The following DOCK2 variants were observed in gnomAD, a reference collection of about 807,000 sequenced individuals.
DOCK2 encodes the protein dedicator of cytokinesis 2.
A neutral mutation model predicts 248.9 loss-of-function variants in DOCK2; 87 were observed. That is an observed-to-expected ratio of 0.35 (90% CI 0.29 to 0.42). The LOEUF (loss-of-function observed/expected upper bound fraction) is 0.42, where lower values mean the gene tolerates loss of function less well. Among genes scored for constraint, DOCK2 ranks in the 10% least tolerant of loss-of-function variants. The pLI is 1.00. For missense variants in DOCK2, 1,747 were observed against 2,300.2 expected (o/e 0.76, Z 4.92); for synonymous variants, 805 against 821.6 (o/e 0.98, Z 0.35).
rs73800281 is a variant in DOCK2, at chr5:170,082,255, C to T, written c.5430+271C>T. 1.4e-3 allele frequency among the ~76,000 whole-genome samples: 214 copies of T among 152,290 alleles called. 1 individual carries two copies. Among genetic ancestry groups the T allele is most frequent in the African/African-American group, 4.8e-3 (201 of 41,560 alleles). ...TCAGAAGCAGTAGGTGGCCTACCCT[C>T]GCCTAAACTGCCCCTTAGTGCTCCA... On this transcript the variant is annotated intron_variant, in intron 51 of 51. Transcript: ENST00000520908.
At chr5:170,048,178 G>A (rs1270962947) in intron 40 of DOCK2, among the ~76,000 whole-genome samples, 2 of 152,176 alleles carry the variant, frequency 1.3e-5, no homozygotes, top group African/African-American at 2.4e-5. Context: ...GATTACTTGA[G>A]CTCAGGAGTT....
At position 170,056,665 on chromosome 5, in the gene DOCK2, G is replaced by A; in HGVS notation, c.4296-19G>A. The stretch of plus-strand genomic sequence containing the variant: ...CCGGGGATGGCTACCAGGAGCCTCA[G>A]CCTCTTCCTGTCTTTCAGCTTCTAC... On this transcript the variant is annotated intron_variant, in intron 42 of 51. Coordinates refer to ENST00000520908, the MANE Select transcript of DOCK2 (RefSeq NM_004946.3). The A allele has an allele frequency of 6.2e-7, 1 of 1,612,860 alleles. No homozygotes were observed. The highest frequency in any genetic ancestry group is 8.5e-7 in the Non-Finnish European group (1 of 1,178,952).
rs1159535533 is a variant in DOCK2, at chr5:170,012,343, T to G, written c.3232+3597T>G. Among the ~76,000 whole-genome samples the G allele has an allele frequency of 2.6e-5, 4 of 152,290 alleles. No homozygotes were observed. In the East Asian group the frequency reaches 7.7e-4, roughly 29 times the overall value. Reference sequence around the variant, plus strand: ...GGTGTGAAATAACCAACGACCTACGTTTTTTCAAAGATGACTGATAATGAG... The same window carrying G: ...GGTGTGAAATAACCAACGACCTACGGTTTTTCAAAGATGACTGATAATGAG... On this transcript the variant is annotated intron_variant, in intron 32 of 51. Transcript: ENST00000520908.
intron 27 of DOCK2, among the ~76,000 whole-genome samples, chr5:169,939,048 CAT>C (rs1344847682): frequency 2.6e-5 from 4 of 151,306 alleles, no homozygotes; most frequent in Admixed American, 6.6e-5. Flanking sequence ...GGACTACAGG[CAT>C]GCACCACCAC....
chr5:169,694,916 A>G (rs1421945151), intron 9 of DOCK2, among the ~76,000 whole-genome samples: 7 of 152,174 alleles, frequency 4.6e-5, no homozygotes, highest in Non-Finnish European at 8.8e-5. Context: ...CTGAGGCTGC[A>G]GTGAGCTGTG....
chr5:169,696,526 A>G (rs1328126018), intron 10 of DOCK2, among the ~76,000 whole-genome samples: 1 of 152,144 alleles, frequency 6.6e-6, no homozygotes, highest in Admixed American at 6.6e-5. Flanking sequence ...TTGTACTGTT[A>G]TTTACCAAAT....
At chr5:169,835,328 C>T (rs1162224235) in intron 26 of DOCK2, among the ~76,000 whole-genome samples, 2 of 146,602 alleles carry the variant, frequency 1.4e-5, no homozygotes, top group African/African-American at 2.5e-5. Flanking sequence ...AATCTCGACT[C>T]ACTGCAACCT....
chr5:170,043,328 G>A (rs555594221), intron 38 of DOCK2, among the ~76,000 whole-genome samples: 6 of 152,294 alleles, frequency 3.9e-5, no homozygotes, highest in East Asian at 3.9e-4. Context: ...GAAAATGCAC[G>A]TAGAGCACCC....
intron 23 of DOCK2, among the ~76,000 whole-genome samples, chr5:169,749,663 G>A (rs748542768): frequency 7.9e-5 from 12 of 152,134 alleles, no homozygotes; most frequent in Non-Finnish European, 1.3e-4. Context: ...TTCCTGCCTG[G>A]CTCTAAAGAC....
chr5:169,882,886 T>C, intron 27 of DOCK2: 1 of 1,551,730 alleles, frequency 6.4e-7, no homozygotes, highest in East Asian at 2.4e-5. Flanking sequence ...TGACACCAGA[T>C]TCTGGTGATT....
chr5:169,998,039 G>A (rs1747416794), intron 30 of DOCK2: 2 of 456,154 alleles, frequency 4.4e-6, no homozygotes. Context: ...GGTCCCATAA[G>A]TTTCTGTTCA....
intron 22 of DOCK2, among the ~76,000 whole-genome samples, chr5:169,734,359 A>G (rs951744255): frequency 2.0e-5 from 3 of 151,972 alleles, no homozygotes; most frequent in African/African-American, 7.3e-5. Context: ...CAGTAGTGGG[A>G]ATCTTTGTGG....
chr5:169,808,978 G>T (rs1031450308), intron 26 of DOCK2, among the ~76,000 whole-genome samples: 1 of 146,504 alleles, frequency 6.8e-6, no homozygotes, highest in African/African-American at 2.6e-5. Context: ...AGTCATGAAT[G>T]GTTTAAGGGT....
chr5:170,005,890 A>T (rs1397603507), intron 30 of DOCK2, among the ~76,000 whole-genome samples: 1 of 152,128 alleles, frequency 6.6e-6, no homozygotes, highest in Admixed American at 6.5e-5. Context: ...AATTATTCTC[A>T]CAAGTAATTG....
At chr5:169,906,607 C>T (rs548883164) in intron 27 of DOCK2, among the ~76,000 whole-genome samples, 11 of 152,278 alleles carry the variant, frequency 7.2e-5, no homozygotes, top group South Asian at 2.1e-4. Flanking sequence ...GCTGGGGTTA[C>T]GGGTATGAGC....
chr5:169,704,759 ATGTGTGTGTGTGTGTGTGTG>A (rs56289708), intron 14 of DOCK2, among the ~76,000 whole-genome samples: 34 of 140,016 alleles, frequency 2.4e-4, no homozygotes, highest in Non-Finnish European at 3.2e-4. Context: ...CTCCATATAT[ATGTGTGTGTGTGTGTGTGTG>A]TGTGTGTGTG....
chr5:170,072,468 A>G (rs536901559), intron 46 of DOCK2, among the ~76,000 whole-genome samples: 4 of 152,314 alleles, frequency 2.6e-5, no homozygotes, highest in East Asian at 3.9e-4. Context: ...CAGGTGTTGT[A>G]TATTATGAGT....
Position 169,717,441 on chromosome 5 carries a change from G to A in DOCK2, c.2089G>A (p.Glu697Lys), listed in dbSNP as rs1761964439. Residue 697 changes from glutamate to lysine, a missense_variant, in exon 21 of 52, where the codon GAG becomes AAG. Physicochemically the swap from Glu to Lys is moderately conservative, Grantham distance 56 (BLOSUM62 1). Around this residue, in one of 4 missense-constraint regions of DOCK2, gnomAD observed 858 missense variants for 1,183.5 expected, o/e 0.72. Transcript: ENST00000520908. ...ATTTCAGCATTTCAACACCGTTCTG[G>A]AGGCTTACATCCAACAGCATTTCAG... ...RKFQHFNTVLEAYIQQHFSAT... is the reference protein window; with the variant it reads ...RKFQHFNTVLKAYIQQHFSAT... 1.9e-6 allele frequency: 3 copies of A among 1,613,746 alleles called. No homozygotes were observed. Among genetic ancestry groups the A allele is most frequent in the Non-Finnish European group, 2.5e-6 (3 of 1,179,830 alleles).
At chr5:169,793,612 G>C (rs1449275110) in intron 25 of DOCK2, among the ~76,000 whole-genome samples, 3 of 152,128 alleles carry the variant, frequency 2.0e-5, no homozygotes, top group African/African-American at 4.8e-5. Flanking sequence ...CCTCCTCAGT[G>C]TTTTCCCACC....
Sources: allele counts gnomAD v4.1 joint callset (sites outside exome capture counted in the v4.1 genomes callset), GRCh38; gene constraint gnomAD v4.1.1; regional missense constraint gnomAD v4.1.1; transcripts MANE v1.5; gene names NCBI Gene and HGNC (gene_info 2026-07-23, HGNC 2026-07-21).